Variants in SASH1 observed in about 807,000 individuals in gnomAD.
SASH1 encodes SAM and SH3 domain-containing protein 1.
SASH1 carries 44 observed loss-of-function variants against 125.2 expected under a neutral mutation model. The ratio of observed to expected loss-of-function variants is 0.35; its 90% CI spans 0.28 to 0.45. SASH1 has a LOEUF of 0.45. Ranked by LOEUF, SASH1 falls within the 20% of genes least tolerant of loss-of-function variation. SASH1 has a pLI of 1.00. For missense variants in SASH1, 1,426 were observed against 1,614.5 expected, an observed-to-expected ratio of 0.88 and a Z score of 2.00; for synonymous variants, 639 against 649.1, an observed-to-expected ratio of 0.98 and a Z score of 0.24.
chr6:148,275,235 A>G (rs1055959494), intron 1 of SASH1, among the ~76,000 whole-genome samples: 2 of 152,304 alleles, frequency 1.3e-5, no homozygotes, highest in South Asian at 2.1e-4. Flanking sequence ...AATGGTAATA[A>G]TGTTCTCAAG....
intron 10 of SASH1, among the ~76,000 whole-genome samples, chr6:148,523,666 C>T (rs10457071): frequency 0.051 from 7,815 of 152,180 alleles, 282 homozygotes; most frequent in Non-Finnish European, 0.076. Context: ...CCCCAATGGC[C>T]GTCTCTCACT....
At chr6:148,196,642 G>A in the SASH1 span, among the ~76,000 whole-genome samples, 1 of 152,218 alleles carries the variant, frequency 6.6e-6, no homozygotes, top group Admixed American at 6.5e-5. Flanking sequence ...TAAATCCGCT[G>A]TTTCTATGGA....
At chr6:148,488,428 T>C (rs1270867588) in intron 8 of SASH1, among the ~76,000 whole-genome samples, 3 of 152,256 alleles carry the variant, frequency 2.0e-5, no homozygotes, top group Non-Finnish European at 4.4e-5. Flanking sequence ...CTTTTAGCCA[T>C]TATGAACAAT....
At chr6:148,365,496 A>G (rs182378751) in intron 1 of SASH1, among the ~76,000 whole-genome samples, 92 of 151,480 alleles carry the variant, frequency 6.1e-4, no homozygotes, top group African/African-American at 2.1e-3. Context: ...AGAGGTGATG[A>G]GGAGGGGGTC....
At chr6:148,229,714 G>A in the SASH1 span, among the ~76,000 whole-genome samples, 1 of 145,030 alleles carries the variant, frequency 6.9e-6, no homozygotes, top group Non-Finnish European at 1.5e-5. Context: ...TATAACGTCA[G>A]AGCACTTTTT....
chr6:148,401,474 G>A (rs894454819), intron 2 of SASH1, among the ~76,000 whole-genome samples: 5 of 152,012 alleles, frequency 3.3e-5, no homozygotes, highest in African/African-American at 1.2e-4. Flanking sequence ...GTCAATCTGT[G>A]TATTAGAAAT....
At chr6:148,227,086 G>A in the SASH1 span, among the ~76,000 whole-genome samples, 2 of 152,168 alleles carry the variant, frequency 1.3e-5, no homozygotes, top group Non-Finnish European at 2.9e-5. Context: ...ATAGCTCTAC[G>A]AAGTATGAAT....
chr6:148,422,882 A>C (rs919976147), intron 2 of SASH1, among the ~76,000 whole-genome samples: 4 of 152,132 alleles, frequency 2.6e-5, no homozygotes, highest in African/African-American at 9.7e-5. Context: ...ATTTTTATAT[A>C]ATTCTTTTCT....
intron 10 of SASH1, among the ~76,000 whole-genome samples, chr6:148,523,870 C>T (rs1780963694): frequency 2.0e-5 from 3 of 152,112 alleles, no homozygotes; most frequent in Non-Finnish European, 2.9e-5. Context: ...AAGAAACCAG[C>T]ATTCATAGAG....
intron 1 of SASH1, among the ~76,000 whole-genome samples, chr6:148,336,857 C>T (rs534068245): frequency 6.6e-6 from 1 of 152,312 alleles, no homozygotes; most frequent in South Asian, 2.1e-4. Flanking sequence ...GTTGAGTTCA[C>T]TAAGTGGTTT....
chr6:148,213,983 A>G, the SASH1 span, among the ~76,000 whole-genome samples: 2 of 152,180 alleles, frequency 1.3e-5, no homozygotes, highest in Admixed American at 6.5e-5. Context: ...CAAGAGTATA[A>G]AACTAGAAAT....
rs536794578 is a variant in SASH1, at chr6:148,498,109, C to T, written c.729+10394C>T. Among the ~76,000 whole-genome samples, 21 of 151,918 alleles carry T rather than the reference C, an allele frequency of 1.4e-4. No individual in the cohort carries two copies. In the South Asian group the frequency reaches 4.4e-3, roughly 32 times the overall value. On this transcript the variant is annotated intron_variant, in intron 8 of 19. Coordinates refer to ENST00000367467, the MANE Select transcript of SASH1 (RefSeq NM_015278.5). Reference sequence around the variant, plus strand: ...CTCGACATATCAAAGGCTGGCTGGGCGTGGTGGCTCACACCTGTAATCCCA... The same window carrying T: ...CTCGACATATCAAAGGCTGGCTGGGTGTGGTGGCTCACACCTGTAATCCCA...
chr6:148,470,036 AAAAAAGAAAG>A (rs1353380620), intron 5 of SASH1, among the ~76,000 whole-genome samples: 5 of 152,026 alleles, frequency 3.3e-5, no homozygotes, highest in Admixed American at 6.5e-5. Flanking sequence ...ACTAAAAAAA[AAAAAAGAAAG>A]AAAAAGAAAG....
Position 148,474,046 on chromosome 6 carries a change from G to T in SASH1, c.515-64G>T, listed in dbSNP as rs551039523. ...TCTAGCCCGAGACAGCAGATGTTCC[G>T]CATTGACGTTCTGTTTCGCCATTCT... On this transcript the variant is annotated intron_variant, in intron 6 of 19. Transcript: ENST00000367467. 23 of 967,896 alleles carry T rather than the reference G, an allele frequency of 2.4e-5. No individual in the cohort carries two copies. In the African/African-American group the frequency reaches 2.9e-4, roughly 12 times the overall value. 60.0% of individuals were successfully genotyped at this position (967,896 alleles called of 1,614,324 possible). A position where few individuals can be genotyped will look rare whatever the true frequency, so the allele number is the denominator to read the frequency against.
rs9485295 is a variant in SASH1 at position 148,544,653 on chromosome 6, C to T, written c.3183C>T (p.Leu1061=). ...CAAGCACAAGGCCGCCCCCCTGGCT[C>T]TCAGAGCTCCCCGAGAACACAAGCC... ...SPPSTRPPPW[L]SELPENTSLQ... The change falls in exon 18 of 20, where the codon CTC becomes CTT. Residue 1061 remains leucine (L), a synonymous_variant. Transcript: ENST00000367467. This position sits in a 1 kb window ranked among gnomAD's most constrained non-coding sequence, Gnocchi z 6.4. 1.9e-6 allele frequency: 3 copies of T among 1,613,432 alleles called. No homozygotes were observed. The highest frequency in any genetic ancestry group is 4.5e-5 in the East Asian group (2 of 44,838).
rs1194104771 is a variant in SASH1 at position 148,532,756 on chromosome 6, A to AATC, written c.1565-40_1565-38dup. The AATC allele has an allele frequency of 6.2e-7, 1 of 1,607,768 alleles. No homozygotes were observed. The highest frequency in any genetic ancestry group is 1.1e-5 in the South Asian group (1 of 90,772). On this transcript the variant is annotated intron_variant, in intron 13 of 19. Coordinates refer to ENST00000367467, the MANE Select transcript of SASH1 (RefSeq NM_015278.5). This position sits in a 1 kb window ranked among gnomAD's most constrained non-coding sequence, Gnocchi z 4.7. Reference sequence around the variant, plus strand: ...TACCTTTCTGCTTTGCTGGGTGGGAAATCTGGATCTACCCGTGTTCTTCCT... The same window carrying AATC: ...TACCTTTCTGCTTTGCTGGGTGGGAAATCATCTGGATCTACCCGTGTTCTTCCT...
chr6:148,417,322 C>A (rs1175759334), intron 2 of SASH1, among the ~76,000 whole-genome samples: 1 of 152,106 alleles, frequency 6.6e-6, no homozygotes, highest in Non-Finnish European at 1.5e-5. Flanking sequence ...CGCGGTGGCT[C>A]ATGCCTGTAT....
chr6:148,491,133 C>T (rs1482275741), intron 8 of SASH1, among the ~76,000 whole-genome samples: 1 of 152,194 alleles, frequency 6.6e-6, no homozygotes, highest in Non-Finnish European at 1.5e-5. Flanking sequence ...CCTAGAATAT[C>T]AAAATTGGTT....
intron 1 of SASH1, among the ~76,000 whole-genome samples, chr6:148,308,397 C>CTT (rs200563796): frequency 3.6e-5 from 5 of 139,352 alleles, no homozygotes; most frequent in African/African-American, 5.3e-5. Flanking sequence ...AACTTAGGAG[C>CTT]TTTTTTTTTT....
Sources: gnomAD v4.1 joint callset for allele counts (sites outside exome capture counted in the v4.1 genomes callset) on GRCh38, gnomAD v4.1.1 for gene constraint, Gnocchi (gnomAD v3.1) non-coding constraint, MANE v1.5 for transcripts, NCBI Gene and HGNC (gene_info 2026-07-23, HGNC 2026-07-21) for gene names.